The following SPAG16 variants were observed in gnomAD, a reference collection of about 807,000 sequenced individuals.
The protein encoded by SPAG16 is sperm associated antigen 16.
Under a neutral mutation model 80.4 loss-of-function variants are expected in SPAG16, and 86 were observed. The ratio of observed to expected loss-of-function variants is 1.07; its 90% confidence interval spans 0.90 to 1.28. The LOEUF (loss-of-function observed/expected upper bound fraction) is 1.28, where lower values mean the gene tolerates loss of function less well. Among genes scored for constraint, SPAG16 ranks in the 50% most tolerant of loss-of-function variants. The pLI is 0.00. For synonymous variants in SPAG16, 294 were observed against 265.9 expected, an observed-to-expected ratio of 1.11 and a Z score of -1.03; for missense variants, 870 against 765.3, an observed-to-expected ratio of 1.14 and a Z score of -1.61.
chr2:214,048,942 TC>T (rs2049488923), intron 13 of SPAG16, among the ~76,000 whole-genome samples: 2 of 152,146 alleles, frequency 1.3e-5, no homozygotes, highest in South Asian at 4.2e-4. Context: ...TTTCCTTTCT[TC>T]CTTCTCTCCT....
intron 10 of SPAG16, among the ~76,000 whole-genome samples, chr2:213,826,757 T>G (rs1020807875): frequency 3.3e-5 from 5 of 152,004 alleles, no homozygotes; most frequent in Admixed American, 3.3e-4. Flanking sequence ...TTAGGTCCAT[T>G]TGTTCTATAG....
chr2:213,432,084 C>T (rs2070339263), intron 9 of SPAG16, among the ~76,000 whole-genome samples: 1 of 152,024 alleles, frequency 6.6e-6, no homozygotes, highest in Non-Finnish European at 1.5e-5. Flanking sequence ...CTTTGGGATA[C>T]AGCAAAAGCA....
chr2:214,148,378 A>G (rs538684979), intron 14 of SPAG16, among the ~76,000 whole-genome samples: 23 of 152,222 alleles, frequency 1.5e-4, no homozygotes, highest in African/African-American at 5.1e-4. Flanking sequence ...CTGCAAAACT[A>G]TCTCTCCCCA....
chr2:214,331,727 C>T (rs991775313), intron 15 of SPAG16, among the ~76,000 whole-genome samples: 1 of 152,154 alleles, frequency 6.6e-6, no homozygotes, highest in Non-Finnish European at 1.5e-5. Context: ...GGTAGACAGC[C>T]TTGGCATCAT....
chr2:214,166,404 T>A (rs2056656840), intron 15 of SPAG16, among the ~76,000 whole-genome samples: 1 of 152,044 alleles, frequency 6.6e-6, no homozygotes, highest in Non-Finnish European at 1.5e-5. Flanking sequence ...GAGCATCTAC[T>A]CCCTCCACGC....
rs549799995 is a variant in SPAG16 at position 213,672,501 on chromosome 2, A to G, written c.1070+182411A>G. On this transcript the variant is annotated intron_variant, in intron 10 of 15. Transcript: ENST00000331683. ...AACTATATTTATTTTTTTGTGCGTC[A>G]CTGATTACTTTTTTGTTCCATTGTT... Among the ~76,000 whole-genome samples the G allele has an allele frequency of 1.3e-3, 203 of 152,092 alleles. 1 individual carries two copies. The highest frequency in any genetic ancestry group is 3.4e-3 in the Middle Eastern group (1 of 294).
At chr2:213,944,238 G>A (rs1559615376) in intron 12 of SPAG16, among the ~76,000 whole-genome samples, 1 of 152,160 alleles carries the variant, frequency 6.6e-6, no homozygotes, top group East Asian at 1.9e-4. Flanking sequence ...GAGCAACTGG[G>A]GCCTGTGTTT....
At chr2:213,531,349 A>G (rs76693129) in intron 10 of SPAG16, among the ~76,000 whole-genome samples, 3 of 135,166 alleles carry the variant, frequency 2.2e-5, no homozygotes, top group Non-Finnish European at 3.2e-5. Context: ...TGTTTATTAA[A>G]AAAGATGTGA....
chr2:213,613,496 C>T (rs2061501815), intron 10 of SPAG16, among the ~76,000 whole-genome samples: 2 of 152,154 alleles, frequency 1.3e-5, no homozygotes. Context: ...ACTTGCCATT[C>T]CTGCCACCTG....
chr2:213,322,373 G>T (rs933515349), intron 5 of SPAG16, among the ~76,000 whole-genome samples: 1 of 146,626 alleles, frequency 6.8e-6, no homozygotes, highest in Non-Finnish European at 1.5e-5. Flanking sequence ...ACTCGTTTGG[G>T]TGATTGATTC....
At chr2:214,266,990 T>C (rs965759371) in intron 15 of SPAG16, among the ~76,000 whole-genome samples, 6 of 151,760 alleles carry the variant, frequency 4.0e-5, no homozygotes, top group Non-Finnish European at 7.4e-5. Flanking sequence ...AGAATTAATA[T>C]TGTTAAAATG....
intron 15 of SPAG16, among the ~76,000 whole-genome samples, chr2:214,290,352 T>G (rs951220448): frequency 1.3e-5 from 2 of 151,900 alleles, no homozygotes; most frequent in African/African-American, 4.8e-5. Flanking sequence ...GTTGAATGTG[T>G]TTTTTTGAAT....
chr2:214,020,903 G>C (rs1168723775), intron 13 of SPAG16, among the ~76,000 whole-genome samples: 1 of 152,122 alleles, frequency 6.6e-6, no homozygotes, highest in East Asian at 1.9e-4. Flanking sequence ...TGTAGATTTG[G>C]TAGAGGAAAC....
intron 5 of SPAG16, among the ~76,000 whole-genome samples, chr2:213,327,608 A>C (rs530649329): frequency 1.3e-5 from 2 of 152,272 alleles, no homozygotes; most frequent in African/African-American, 4.8e-5. Context: ...TACATTTCAC[A>C]TAAGATAAAA....
At chr2:213,344,127 G>A (rs1372809532) in intron 6 of SPAG16, among the ~76,000 whole-genome samples, 1 of 152,008 alleles carries the variant, frequency 6.6e-6, no homozygotes, top group African/African-American at 2.4e-5. Flanking sequence ...TTCTGCTTTA[G>A]GTTTCTGAAT....
At chr2:214,067,548 A>G (rs1313959926) in intron 13 of SPAG16, among the ~76,000 whole-genome samples, 1 of 152,072 alleles carries the variant, frequency 6.6e-6, no homozygotes, top group African/African-American at 2.4e-5. Flanking sequence ...AGGTATTACT[A>G]TTGCGTACAC....
chr2:213,643,120 C>T (rs10932491), intron 10 of SPAG16, among the ~76,000 whole-genome samples: 40,245 of 149,800 alleles, frequency 0.27, 6,309 homozygotes, highest in Middle Eastern at 0.43. Context: ...CTGGCTAATA[C>T]AACAGGTCTG....
At chr2:214,080,500 C>T (rs1476782667) in intron 13 of SPAG16, among the ~76,000 whole-genome samples, 28 of 148,826 alleles carry the variant, frequency 1.9e-4, no homozygotes, top group African/African-American at 6.4e-4. Flanking sequence ...CCCAGCTACT[C>T]GGGAGGCTGA....
chr2:213,776,707 G>T (rs2069600426), intron 10 of SPAG16, among the ~76,000 whole-genome samples: 1 of 151,932 alleles, frequency 6.6e-6, no homozygotes, highest in Non-Finnish European at 1.5e-5. Flanking sequence ...AGCTGGAAAA[G>T]ACATTGACTT....
Sources: gnomAD v4.1 joint callset for allele counts (sites outside exome capture counted in the v4.1 genomes callset) on GRCh38, gnomAD v4.1.1 for gene constraint, MANE v1.5 for transcripts, NCBI Gene and HGNC (gene_info 2026-07-23, HGNC 2026-07-21) for gene names.